Variants in AATK observed in about 807,000 individuals in gnomAD.
The protein encoded by AATK is serine/threonine-protein kinase LMTK1.
Under a neutral mutation model 114.3 loss-of-function variants are expected in AATK, and 91 were observed. That is an observed-to-expected ratio of 0.80 (90% confidence interval 0.67 to 0.95). AATK has a LOEUF of 0.95. Ranked by LOEUF, AATK falls within the 40% of genes least tolerant of loss-of-function variation. The pLI is 0.00. For synonymous variants in AATK, 1,075 were observed against 916.5 expected (o/e 1.17, Z -3.12); for missense variants, 2,176 against 1,965.2 (o/e 1.11, Z -2.03).
At chr17:81,153,555 G>C (rs749757867) in intron 1 of AATK, among the ~76,000 whole-genome samples, 2 of 152,190 alleles carry the variant, frequency 1.3e-5, no homozygotes, top group Non-Finnish European at 2.9e-5. Flanking sequence ...AGAAGCCGGG[G>C]AAGTTACTGA....
chr17:81,160,180 A>C, intron 1 of AATK: 2 of 852,102 alleles, frequency 2.3e-6, no homozygotes, highest in Admixed American at 6.2e-5. Flanking sequence ...CACGGCCCCC[A>C]CCCCCAGGCT....
In AATK at chr17:81,161,251, C is replaced by T. The variant is rs144821827; in HGVS notation, c.55+4687G>A. On this transcript the variant is annotated intron_variant, in intron 1 of 13. Transcript: ENST00000326724. ...CAGGGCCACTCCCTCGAGGCGCTGG[C>T]GGGATCCTTCCTGCCTCTCCGGCAC... Among the ~76,000 whole-genome samples, 947 of 152,232 alleles carry T rather than the reference C, an allele frequency of 6.2e-3. 10 individuals carry two copies. The highest frequency in any genetic ancestry group is 0.022 in the African/African-American group (913 of 41,526).
At chr17:81,153,453 C>T (rs553909081) in intron 1 of AATK, among the ~76,000 whole-genome samples, 32 of 152,152 alleles carry the variant, frequency 2.1e-4, no homozygotes, top group Non-Finnish European at 3.4e-4. Flanking sequence ...CAGGAACTTC[C>T]GTTTAAAGAT....
At position 81,118,537 on chromosome 17, in the gene AATK, A is replaced by G. The variant is rs1464392487; in HGVS notation, c.4085-95T>C. 12 of 1,330,640 alleles carry G rather than the reference A, an allele frequency of 9.0e-6. No homozygotes were observed. The Admixed American group carries it at 1.8e-4, about 20-fold the overall frequency. 82.4% of individuals were successfully genotyped at this position (1,330,640 alleles called of 1,614,324 possible). ...CCTGGCCTCCATCCCTGGCCCACAT[A>G]CAGGCCGGGCCCCTTCCCTGCAGCA... is the stretch of plus-strand genomic sequence containing the variant. On this transcript the variant is annotated intron_variant, in intron 13 of 13. Transcript: ENST00000326724.
At chr17:81,161,084 T>C (rs1041773890) in intron 1 of AATK, among the ~76,000 whole-genome samples, 1 of 152,152 alleles carries the variant, frequency 6.6e-6, no homozygotes, top group Non-Finnish European at 1.5e-5. Context: ...AGGCTCCTGA[T>C]GTCTCGAGGC....
At chr17:81,154,930 C>T (rs2061343277) in intron 1 of AATK, among the ~76,000 whole-genome samples, 1 of 152,172 alleles carries the variant, frequency 6.6e-6, no homozygotes, top group Non-Finnish European at 1.5e-5. Flanking sequence ...GCGCTCGGCC[C>T]TTTCCCACTA....
At chr17:81,148,944 G>T (rs111332109) in intron 1 of AATK, among the ~76,000 whole-genome samples, 1 of 152,188 alleles carries the variant, frequency 6.6e-6, no homozygotes, top group African/African-American at 2.4e-5. Flanking sequence ...GGCAGTTGGC[G>T]AGGTGTCCCC....
At chr17:81,137,952 GCACA>G (rs1283046769) in intron 1 of AATK, among the ~76,000 whole-genome samples, 2 of 140,466 alleles carry the variant, frequency 1.4e-5, no homozygotes, top group Non-Finnish European at 3.1e-5. Flanking sequence ...CCACACGCAC[GCACA>G]CATCCACACA....
In AATK at chr17:81,119,345, C is replaced by T. The variant is rs2060654639; in HGVS notation, c.4084+35G>A. On this transcript the variant is annotated intron_variant, in intron 13 of 13. Transcript: ENST00000326724. ...TCGGAGCTCCGTGCCCTGCCTCCCG[C>T]GTGCCCTTCTGCCACAGCCCCGCCC... 3 of 1,537,570 alleles carry T rather than the reference C, an allele frequency of 2.0e-6. No individual in the cohort carries two copies. The Admixed American group carries it at 6.0e-5, about 31-fold the overall frequency.
At chr17:81,137,095 T>C (rs1045409994) in intron 1 of AATK, among the ~76,000 whole-genome samples, 3 of 151,696 alleles carry the variant, frequency 2.0e-5, no homozygotes, top group Non-Finnish European at 4.4e-5. Flanking sequence ...CCATCTCTAC[T>C]AAAAATAAAA....
intron 1 of AATK, among the ~76,000 whole-genome samples, chr17:81,158,436 G>A (rs758211152): frequency 3.3e-5 from 5 of 152,226 alleles, no homozygotes; most frequent in African/African-American, 7.2e-5. Context: ...AAAGCGGGGC[G>A]TGTGCCGGCT....
chr17:81,164,358 T>TCACCAG (rs1377002369), intron 1 of AATK, among the ~76,000 whole-genome samples: 2 of 152,098 alleles, frequency 1.3e-5, no homozygotes, highest in East Asian at 1.9e-4. Flanking sequence ...GTCTCCTTCC[T>TCACCAG]CACCAGCACC....
intron 1 of AATK, among the ~76,000 whole-genome samples, chr17:81,153,879 T>C (rs1314239533): frequency 6.6e-6 from 1 of 152,132 alleles, no homozygotes; most frequent in African/African-American, 2.4e-5. Context: ...GAGACCATCC[T>C]GGCCAACATG....
chr17:81,141,449 C>G (rs747262303), intron 1 of AATK, among the ~76,000 whole-genome samples: 2 of 152,184 alleles, frequency 1.3e-5, no homozygotes, highest in Admixed American at 6.5e-5. Context: ...TCTGTCCCCC[C>G]CAAAAGAAAA....
Position 81,126,698 on chromosome 17 carries a change from G to T in AATK, c.622-138C>A. On this transcript the variant is annotated intron_variant, in intron 6 of 13. Transcript: ENST00000326724. This position sits in a 1 kb window ranked among gnomAD's most constrained non-coding sequence, Gnocchi z 5.1. ...GCTGCCCAGAGCAGCCTCGTGCCCT[G>T]CACAGTGGCCAGCACCCAGCAGTTC... 2 of 1,435,876 alleles carry T rather than the reference G, an allele frequency of 1.4e-6. No individual in the cohort carries two copies. Among genetic ancestry groups the T allele is most frequent in the African/African-American group, 1.4e-5 (1 of 69,994 alleles). 88.9% of individuals were successfully genotyped at this position (1,435,876 alleles called of 1,614,324 possible).
chr17:81,134,850 C>A (rs906709818), intron 1 of AATK, among the ~76,000 whole-genome samples: 1 of 152,248 alleles, frequency 6.6e-6, no homozygotes, highest in African/African-American at 2.4e-5. Flanking sequence ...ATCCCAGTCA[C>A]CCCACCTTGC....
chr17:81,119,760 C>T (rs1313519583), intron 12 of AATK, among the ~76,000 whole-genome samples, 176 bp downstream of exon 12: 1 of 150,002 alleles, frequency 6.7e-6, no homozygotes, highest in Admixed American at 6.6e-5. Flanking sequence ...CCCCGCCTTC[C>T]GTGACGTCAC....
chr17:81,138,989 G>A (rs1002556746), intron 1 of AATK, among the ~76,000 whole-genome samples: 2 of 148,798 alleles, frequency 1.3e-5, no homozygotes, highest in Admixed American at 6.7e-5. Context: ...CCACACGTGC[G>A]TACACACGCA....
intron 3 of AATK, 140 bp downstream of exon 3, chr17:81,130,921 T>C (rs552063947): frequency 2.8e-6 from 3 of 1,078,902 alleles, no homozygotes; most frequent in South Asian, 1.6e-5. Context: ...GGCTGCACAC[T>C]GCGTCTACCC....
Sources: allele counts gnomAD v4.1 joint callset (sites outside exome capture counted in the v4.1 genomes callset), GRCh38; gene constraint gnomAD v4.1.1; non-coding constraint Gnocchi (gnomAD v3.1); transcripts MANE v1.5; gene names NCBI Gene and HGNC (gene_info 2026-07-23, HGNC 2026-07-21).